USP25: variants seen among roughly 807,000 people sequenced by gnomAD.
USP25 encodes the protein ubiquitin specific peptidase 25.
In USP25, 85 loss-of-function variants were observed where a neutral mutation model predicts 158.5. That is an observed-to-expected ratio of 0.54 (90% CI 0.45 to 0.64). USP25 has a LOEUF of 0.64. USP25 is among the 30% of genes least tolerant of loss of function. USP25 has a pLI of 0.00. For missense variants in USP25, 1,242 were observed against 1,327.3 expected (o/e 0.94, Z 1.00); for synonymous variants, 464 against 460.4 (o/e 1.01, Z -0.10).
intron 4 of USP25, among the ~76,000 whole-genome samples, chr21:15,783,876 A>C (rs2035118690): frequency 6.6e-6 from 1 of 152,000 alleles, no homozygotes; most frequent in Admixed American, 6.5e-5. Context: ...AGGCTGAGGC[A>C]GGAGAATGGC....
chr21:15,824,679 C>T (rs563816046), intron 11 of USP25, among the ~76,000 whole-genome samples: 5 of 152,170 alleles, frequency 3.3e-5, no homozygotes, highest in South Asian at 2.1e-4. Context: ...TGCAGTGGTG[C>T]GATCTTGGCT....
chr21:15,850,940 A>G (rs562961717), intron 20 of USP25, among the ~76,000 whole-genome samples: 77 of 152,210 alleles, frequency 5.1e-4, no homozygotes, highest in Admixed American at 2.0e-3. Flanking sequence ...TGATCACCCT[A>G]TTATGATCCC....
intron 6 of USP25, among the ~76,000 whole-genome samples, 180 bp downstream of exon 6, chr21:15,800,023 T>A (rs567373472): frequency 6.9e-4 from 105 of 151,374 alleles, no homozygotes; most frequent in African/African-American, 2.4e-3. Flanking sequence ...TAAATACGAC[T>A]TTTTTCCTTT....
At chr21:15,817,602 C>T (rs1346690284) in intron 9 of USP25, among the ~76,000 whole-genome samples, 5 of 152,012 alleles carry the variant, frequency 3.3e-5, no homozygotes, top group Admixed American at 1.3e-4. Context: ...TTTTACATGG[C>T]TGGGGAGGCC....
At chr21:15,815,402 C>G (rs1347022192) in intron 9 of USP25, among the ~76,000 whole-genome samples, 1 of 152,146 alleles carries the variant, frequency 6.6e-6, no homozygotes, top group Non-Finnish European at 1.5e-5. Context: ...CTCCAGACCC[C>G]AGAATGTTAG....
rs2146627088 is a variant in USP25, at chr21:15,879,197, A to C, written c.*722A>C. The C allele has an allele frequency of 6.6e-6, 1 of 152,604 alleles. No individual in the cohort carries two copies. Among genetic ancestry groups the C allele is most frequent in the South Asian group, 2.1e-4 (1 of 4,826 alleles). The allele number at this position is 152,604 out of a possible 1,614,324, so 9.5% of individuals were successfully genotyped here. On this transcript the variant is annotated 3_prime_UTR_variant, in exon 26 of 26. Transcript: ENST00000400183. Reference sequence around the variant, plus strand: ...TAAGTCAAACTACACTGAAACTTTTATCCTTTTCTTAGATTAATCTTACTT... The same window carrying C: ...TAAGTCAAACTACACTGAAACTTTTCTCCTTTTCTTAGATTAATCTTACTT...
chr21:15,865,269 A>G (rs866262113), intron 21 of USP25, among the ~76,000 whole-genome samples: 1 of 152,158 alleles, frequency 6.6e-6, no homozygotes, highest in East Asian at 1.9e-4. Flanking sequence ...AGTTATTTTC[A>G]TATATAAAAA....
At chr21:15,761,139 G>A (rs550838088) in intron 1 of USP25, among the ~76,000 whole-genome samples, 2 of 152,274 alleles carry the variant, frequency 1.3e-5, no homozygotes, top group East Asian at 3.9e-4. Context: ...ATTAGATTTC[G>A]GTTGTGCATT....
At chr21:15,785,542 T>C (rs1330636499) in intron 4 of USP25, among the ~76,000 whole-genome samples, 2 of 152,078 alleles carry the variant, frequency 1.3e-5, no homozygotes, top group African/African-American at 2.4e-5. Context: ...AACAAATACA[T>C]GGAAGTTAAT....
intron 1 of USP25, among the ~76,000 whole-genome samples, chr21:15,748,461 T>G (rs1487132122): frequency 2.8e-5 from 4 of 141,844 alleles, no homozygotes; most frequent in East Asian, 4.0e-4. Context: ...TTAGTTTTTT[T>G]TTTTTTTTTT....
intron 11 of USP25, 51 bp from the exon 12 acceptor site, chr21:15,824,915 C>A: frequency 6.9e-7 from 1 of 1,451,250 alleles, no homozygotes; most frequent in Non-Finnish European, 9.6e-7. Context: ...GGCCATATTG[C>A]ATCTACTTTC....
chr21:15,808,069 T>C (rs1415447979), intron 7 of USP25, among the ~76,000 whole-genome samples: 1 of 152,232 alleles, frequency 6.6e-6, no homozygotes, highest in Non-Finnish European at 1.5e-5. Context: ...TATTTGGGGC[T>C]ATTTTGGTAA....
chr21:15,730,594 C>A (rs1188435226), intron 1 of USP25, among the ~76,000 whole-genome samples, 156 bp downstream of exon 1: 3 of 152,192 alleles, frequency 2.0e-5, no homozygotes, highest in Non-Finnish European at 2.9e-5. Flanking sequence ...GGGCGTCGCG[C>A]CCAGAGCCCA....
intron 5 of USP25, among the ~76,000 whole-genome samples, chr21:15,793,819 A>G (rs1014986184): frequency 2.0e-5 from 3 of 151,830 alleles, no homozygotes; most frequent in Non-Finnish European, 3.0e-5. Flanking sequence ...TTTAAAATCT[A>G]TCAAACTATT....
chr21:15,737,949 A>G (rs903108689), intron 1 of USP25, among the ~76,000 whole-genome samples: 42 of 152,180 alleles, frequency 2.8e-4, no homozygotes, highest in African/African-American at 9.9e-4. Flanking sequence ...TTTCCTTTCA[A>G]CATCTTGTTG....
At chr21:15,877,584 G>A (rs1209156830) in intron 24 of USP25, 5 of 413,164 alleles carry the variant, frequency 1.2e-5, no homozygotes, top group Non-Finnish European at 2.1e-5. Flanking sequence ...CTCCACCGCT[G>A]TTGCTTTTGT....
chr21:15,788,453 A>C (rs2035416014), intron 4 of USP25, among the ~76,000 whole-genome samples: 1 of 152,132 alleles, frequency 6.6e-6, no homozygotes, highest in East Asian at 1.9e-4. Context: ...CATTTACTTT[A>C]AAAACGTGTT....
At chr21:15,754,178 G>T (rs1239428412) in intron 1 of USP25, among the ~76,000 whole-genome samples, 10 of 152,098 alleles carry the variant, frequency 6.6e-5, no homozygotes, top group Admixed American at 1.3e-4. Context: ...TTTTTGGGTG[G>T]CATATTCTAG....
chr21:15,832,209 C>T lies in USP25; in HGVS notation c.1993+580C>T, dbSNP rs80340167. ...CTCCTTATGCTGTCCTGGCATCTGT[C>T]TACTGGGCATTTACTGTTGTGTATT... On this transcript the variant is annotated intron_variant, in intron 16 of 25. Coordinates refer to ENST00000400183, the MANE Select transcript of USP25 (RefSeq NM_001283041.3). Among the ~76,000 whole-genome samples, 838 of 152,292 alleles carry T rather than the reference C, an allele frequency of 5.5e-3. 27 individuals carry two copies. In the East Asian group the frequency reaches 0.1, roughly 19 times the overall value.
Sources: allele counts gnomAD v4.1 joint callset (sites outside exome capture counted in the v4.1 genomes callset), GRCh38; gene constraint gnomAD v4.1.1; transcripts MANE v1.5; gene names NCBI Gene and HGNC (gene_info 2026-07-23, HGNC 2026-07-21).